PLCXD3: variants seen among roughly 807,000 people sequenced by gnomAD.
The protein encoded by PLCXD3 is PI-PLC X domain-containing protein 3.
Under a neutral mutation model 25.5 loss-of-function variants are expected in PLCXD3, and 19 were observed. The ratio of observed to expected loss-of-function variants is 0.75; its 90% confidence interval spans 0.52 to 1.09. The LOEUF (loss-of-function observed/expected upper bound fraction) is 1.09, where lower values mean the gene tolerates loss of function less well. Among genes scored for constraint, PLCXD3 ranks in the 50% least tolerant of loss-of-function variants. PLCXD3 has a pLI of 0.00. For synonymous variants in PLCXD3, 174 were observed against 137.6 expected (o/e 1.26, Z -1.85); for missense variants, 411 against 388.1 (o/e 1.06, Z -0.50).
At chr5:41,436,240 T>G (rs140582224) in intron 1 of PLCXD3, among the ~76,000 whole-genome samples, 78 of 151,882 alleles carry the variant, frequency 5.1e-4, no homozygotes, top group Non-Finnish European at 1.0e-3. Flanking sequence ...TATAGCAGTT[T>G]TAAAGCTATG....
At chr5:41,389,777 A>G (rs1403139822) in intron 1 of PLCXD3, among the ~76,000 whole-genome samples, 1 of 152,180 alleles carries the variant, frequency 6.6e-6, no homozygotes, top group Non-Finnish European at 1.5e-5. Context: ...TATACACATC[A>G]TATATATTTT....
chr5:41,495,127 G>A (rs1262750410), intron 1 of PLCXD3, among the ~76,000 whole-genome samples: 2 of 152,224 alleles, frequency 1.3e-5, no homozygotes, highest in East Asian at 1.9e-4. Flanking sequence ...CCTCTCACCA[G>A]AGTCCCTCCT....
At chr5:41,318,416 T>A (rs1410711419) in intron 2 of PLCXD3, among the ~76,000 whole-genome samples, 1 of 152,098 alleles carries the variant, frequency 6.6e-6, no homozygotes, top group East Asian at 1.9e-4. Flanking sequence ...CAATAAAATA[T>A]AAGTAGAAAC....
chr5:41,403,817 G>A (rs1746274590), intron 1 of PLCXD3, among the ~76,000 whole-genome samples: 1 of 148,344 alleles, frequency 6.7e-6, no homozygotes, highest in African/African-American at 2.5e-5. Context: ...TTGGACATTT[G>A]GGTTGGTTCC....
At chr5:41,338,348 A>C (rs1401396929) in intron 2 of PLCXD3, among the ~76,000 whole-genome samples, 1 of 152,148 alleles carries the variant, frequency 6.6e-6, no homozygotes, top group Non-Finnish European at 1.5e-5. Context: ...GAACATTGAA[A>C]TGTCCTGAAG....
At position 41,338,735 on chromosome 5, in the gene PLCXD3, A is replaced by T. The variant is rs188770122; in HGVS notation, c.813-24965T>A. On this transcript the variant is annotated intron_variant, in intron 2 of 2. Coordinates refer to ENST00000377801, the MANE Select transcript of PLCXD3 (RefSeq NM_001005473.3). The stretch of plus-strand genomic sequence containing the variant: ...CTTTAAATATTTGAAAATAATTGAT[A>T]TTCACATAACCACACCATCTGTATC... Among the ~76,000 whole-genome samples the T allele has an allele frequency of 2.1e-3, 320 of 152,220 alleles. 2 individuals carry two copies. Among genetic ancestry groups the T allele is most frequent in the Non-Finnish European group, 3.5e-3 (235 of 68,000 alleles).
intron 1 of PLCXD3, among the ~76,000 whole-genome samples, chr5:41,382,961 T>A (rs1364022337): frequency 2.0e-5 from 3 of 152,206 alleles, no homozygotes; most frequent in African/African-American, 7.2e-5. Flanking sequence ...CTAGAAGGAT[T>A]GTCTCAATGA....
intron 1 of PLCXD3, among the ~76,000 whole-genome samples, chr5:41,391,596 A>C (rs534305670): frequency 7.0e-4 from 106 of 152,278 alleles, no homozygotes; most frequent in African/African-American, 2.5e-3. Flanking sequence ...GTGAGCCTCT[A>C]AGACTTGCTG....
intron 2 of PLCXD3, among the ~76,000 whole-genome samples, chr5:41,335,865 G>T (rs1472611143): frequency 6.6e-6 from 1 of 152,106 alleles, no homozygotes; most frequent in East Asian, 1.9e-4. Flanking sequence ...CATAGGAAAA[G>T]GAGATGTCCA....
At chr5:41,494,173 A>C (rs1366394941) in intron 1 of PLCXD3, among the ~76,000 whole-genome samples, 1 of 152,182 alleles carries the variant, frequency 6.6e-6, no homozygotes, top group South Asian at 2.1e-4. Context: ...ATCAGAGCTC[A>C]CTGGAGCCTT....
intron 2 of PLCXD3, among the ~76,000 whole-genome samples, chr5:41,367,788 C>A (rs988116387): frequency 1.3e-5 from 2 of 152,052 alleles, no homozygotes; most frequent in African/African-American, 2.4e-5. Context: ...ACATTTAAGT[C>A]TTTAATCCAT....
chr5:41,405,473 C>T (rs1746323650), intron 1 of PLCXD3, among the ~76,000 whole-genome samples: 1 of 152,106 alleles, frequency 6.6e-6, no homozygotes, highest in South Asian at 2.1e-4. Flanking sequence ...ATTACGAACA[C>T]TTGTTATGTT....
At chr5:41,436,785 A>G (rs1747264546) in intron 1 of PLCXD3, among the ~76,000 whole-genome samples, 1 of 152,234 alleles carries the variant, frequency 6.6e-6, no homozygotes, top group South Asian at 2.1e-4. Flanking sequence ...AACCTACTTC[A>G]GAATAGGTTT....
In PLCXD3 at chr5:41,331,625, G is replaced by A. The variant is rs576205489; in HGVS notation, c.813-17855C>T. ...TTCATATGGAACCAAAAAAGAGCCC[G>A]CATCCCCAAGTCAATCCTAAGCCAA... On this transcript the variant is annotated intron_variant, in intron 2 of 2. Transcript: ENST00000377801. Among the ~76,000 whole-genome samples, 78 of 152,166 alleles carry A rather than the reference G, an allele frequency of 5.1e-4. 1 individual carries two copies. The highest frequency in any genetic ancestry group is 4.8e-3 in the South Asian group (23 of 4,804).
chr5:41,336,046 C>T (rs1180968917), intron 2 of PLCXD3, among the ~76,000 whole-genome samples: 1 of 152,102 alleles, frequency 6.6e-6, no homozygotes, highest in Non-Finnish European at 1.5e-5. Flanking sequence ...GGACTCCCTC[C>T]AATCGATTCA....
chr5:41,470,292 C>T (rs1230296003), intron 1 of PLCXD3, among the ~76,000 whole-genome samples: 2 of 151,950 alleles, frequency 1.3e-5, no homozygotes, highest in African/African-American at 2.4e-5. Flanking sequence ...CTTAGAAGAG[C>T]AGTAGAAGCT....
At chr5:41,387,599 C>T (rs1164535029) in intron 1 of PLCXD3, among the ~76,000 whole-genome samples, 1 of 151,922 alleles carries the variant, frequency 6.6e-6, no homozygotes, top group East Asian at 1.9e-4. Context: ...TTAAAGGCCC[C>T]CAGTAACTGG....
chr5:41,316,121 A>G (rs1362720930), intron 2 of PLCXD3, among the ~76,000 whole-genome samples: 3 of 152,124 alleles, frequency 2.0e-5, no homozygotes, highest in Non-Finnish European at 2.9e-5. Flanking sequence ...TTGGGAGAAG[A>G]GGGGGAAGAA....
rs185496356 is a variant in PLCXD3, at chr5:41,493,708, G to A, written c.103+16716C>T. 8.9e-4 allele frequency among the ~76,000 whole-genome samples: 136 copies of A among 152,318 alleles called. 1 individual carries two copies. The highest frequency in any genetic ancestry group is 3.1e-3 in the African/African-American group (129 of 41,584). On this transcript the variant is annotated intron_variant, in intron 1 of 2. Transcript: ENST00000377801. ...TCAGACTGCTGTGCTAGCAATCAGC[G>A]AGACTCCGTGGGCATTTAGGACCCT...
Sources: gnomAD v4.1 joint callset for allele counts (sites outside exome capture counted in the v4.1 genomes callset) on GRCh38, gnomAD v4.1.1 for gene constraint, MANE v1.5 for transcripts, NCBI Gene and HGNC (gene_info 2026-07-23, HGNC 2026-07-21) for gene names.